GOLM1: variants seen among roughly 807,000 people sequenced by gnomAD.
GOLM1 encodes the protein epididymis luminal protein 46.
Under a neutral mutation model 50.5 loss-of-function variants are expected in GOLM1, and 31 were observed. The observed-to-expected ratio is 0.61, with a 90% confidence interval of 0.46 to 0.83. The LOEUF (loss-of-function observed/expected upper bound fraction) is 0.83. GOLM1 is among the 40% of genes least tolerant of loss of function. GOLM1 has a pLI of 0.00. For missense variants in GOLM1, 491 were observed against 501.3 expected, an observed-to-expected ratio of 0.98 and a Z score of 0.20; for synonymous variants, 178 against 192.8, an observed-to-expected ratio of 0.92 and a Z score of 0.64.
At chr9:86,076,244 T>C (rs1426161944) in intron 3 of GOLM1, among the ~76,000 whole-genome samples, 1 of 151,212 alleles carries the variant, frequency 6.6e-6, no homozygotes, top group Non-Finnish European at 1.5e-5. Context: ...CATGGCGAAA[T>C]CCCATCACTA....
At chr9:86,081,677 G>C (rs774831275) in intron 1 of GOLM1, among the ~76,000 whole-genome samples, 6 of 151,888 alleles carry the variant, frequency 4.0e-5, no homozygotes, top group Non-Finnish European at 8.8e-5. Context: ...ATGGCCTGAA[G>C]TCAGGAATTT....
chr9:86,084,595 A>G (rs1834892104), intron 1 of GOLM1, among the ~76,000 whole-genome samples: 1 of 152,212 alleles, frequency 6.6e-6, no homozygotes, highest in Non-Finnish European at 1.5e-5. Context: ...GAAACAGGGT[A>G]AAGGGTATAT....
chr9:86,030,239 A>G (rs1832930755), intron 9 of GOLM1, among the ~76,000 whole-genome samples: 1 of 151,530 alleles, frequency 6.6e-6, no homozygotes, highest in South Asian at 2.1e-4. Flanking sequence ...AAAAAAAAAA[A>G]AAAGAATAGA....
Position 86,026,939 on chromosome 9 carries a change from A to G in GOLM1, c.*878T>C, listed in dbSNP as rs1389919572. On this transcript the variant is annotated 3_prime_UTR_variant, in exon 10 of 10. Coordinates refer to ENST00000388712, the MANE Select transcript of GOLM1 (RefSeq NM_016548.4). ...CTTTGTTTTCTTTTACTCCAGTAAT[A>G]AAGTAGGCACAGATCTGTCCACAAC... 1 of 985,060 alleles carries G rather than the reference A, an allele frequency of 1.0e-6. No homozygotes were observed. Among genetic ancestry groups the G allele is most frequent in the African/African-American group, 1.7e-5 (1 of 57,214 alleles). 61.0% of individuals were successfully genotyped at this position (985,060 alleles called of 1,614,324 possible). A position where few individuals can be genotyped will look rare whatever the true frequency, so the allele number is the denominator to read the frequency against.
chr9:86,061,050 C>T lies in GOLM1; in HGVS notation c.310-8459G>A, dbSNP rs528039818. Among the ~76,000 whole-genome samples the T allele has an allele frequency of 9.9e-5, 15 of 152,082 alleles. 1 individual carries two copies. The South Asian group carries it at 1.2e-3, about 13-fold the overall frequency. ...GACAGACAATCCCACCTTTTCAGGA[C>T]GTGTGCTGAAATAGTCATGGTTAAA... On this transcript the variant is annotated intron_variant, in intron 3 of 9. Coordinates refer to ENST00000388712, the MANE Select transcript of GOLM1 (RefSeq NM_016548.4).
intron 1 of GOLM1, among the ~76,000 whole-genome samples, chr9:86,090,603 A>T (rs1835146416): frequency 6.6e-6 from 1 of 152,012 alleles, no homozygotes; most frequent in Non-Finnish European, 1.5e-5. Flanking sequence ...AAGCTCGAGC[A>T]TCCCGGGGCA....
intron 1 of GOLM1, among the ~76,000 whole-genome samples, chr9:86,096,892 C>G (rs559449657): frequency 1.1e-4 from 16 of 152,028 alleles, no homozygotes; most frequent in African/African-American, 3.4e-4. Flanking sequence ...AGTTGGGAAA[C>G]GATAGCAAAT....
chr9:86,079,393 G>A (rs1267417670), intron 1 of GOLM1, 52 bp from the exon 2 acceptor site: 13 of 1,386,444 alleles, frequency 9.4e-6, no homozygotes, highest in Admixed American at 6.6e-5. Context: ...TATCATCTCC[G>A]AAGCAGACCG....
chr9:86,082,883 A>G (rs1834828486), intron 1 of GOLM1, among the ~76,000 whole-genome samples: 2 of 152,238 alleles, frequency 1.3e-5, no homozygotes, highest in Admixed American at 1.3e-4. Context: ...ATTTATTTTA[A>G]TCCAAACAAG....
chr9:86,069,532 C>T (rs1322901865), intron 3 of GOLM1, among the ~76,000 whole-genome samples: 2 of 152,212 alleles, frequency 1.3e-5, no homozygotes, highest in Non-Finnish European at 2.9e-5. Flanking sequence ...CGAATGAGCA[C>T]AGTCTGCAGG....
intron 5 of GOLM1, among the ~76,000 whole-genome samples, chr9:86,044,961 A>G (rs376544368): frequency 5.9e-5 from 9 of 152,120 alleles, no homozygotes; most frequent in East Asian, 1.9e-4. Flanking sequence ...CTCAAAAAAA[A>G]AAGAGGCTAT....
chr9:86,046,413 C>G (rs897126080), intron 5 of GOLM1, 57 bp downstream of exon 5: 1 of 1,033,032 alleles, frequency 9.7e-7, no homozygotes, highest in East Asian at 2.4e-5. Flanking sequence ...AGCTTAATCC[C>G]CGCCTCCCAG....
At chr9:86,046,627 T>G (rs1414465111) in intron 4 of GOLM1, 55 bp from the exon 5 acceptor site, 11 of 1,056,310 alleles carry the variant, frequency 1.0e-5, no homozygotes, top group Non-Finnish European at 1.3e-5. Flanking sequence ...GTCATGCCAT[T>G]CAGCCAAAAT....
At chr9:86,049,914 G>C (rs1344953404) in intron 4 of GOLM1, among the ~76,000 whole-genome samples, 1 of 152,140 alleles carries the variant, frequency 6.6e-6, no homozygotes, top group African/African-American at 2.4e-5. Context: ...TTGAATAGGA[G>C]TGGTGAGACA....
At chr9:86,094,517 G>T (rs1327746562) in intron 1 of GOLM1, among the ~76,000 whole-genome samples, 1 of 152,200 alleles carries the variant, frequency 6.6e-6, no homozygotes, top group African/African-American at 2.4e-5. Flanking sequence ...CTTTTAAAAT[G>T]AATGTATAGT....
At chr9:86,062,034 C>T (rs1444280856) in intron 3 of GOLM1, among the ~76,000 whole-genome samples, 1 of 151,824 alleles carries the variant, frequency 6.6e-6, no homozygotes, top group African/African-American at 2.4e-5. Context: ...CTTCAGAAAA[C>T]ACCATCTATC....
chr9:86,040,211 A>G (rs60574264), intron 6 of GOLM1, among the ~76,000 whole-genome samples: 9,226 of 152,220 alleles, frequency 0.061, 943 homozygotes, highest in African/African-American at 0.21. Context: ...CATGAATTGT[A>G]AATTTTCTAT....
chr9:86,071,031 A>G (rs1563963050), intron 3 of GOLM1, among the ~76,000 whole-genome samples: 1 of 151,788 alleles, frequency 6.6e-6, no homozygotes, highest in African/African-American at 2.4e-5. Context: ...ACAATGATAA[A>G]TTTTATCTTG....
chr9:86,069,823 C>G (rs1457088226), intron 3 of GOLM1, among the ~76,000 whole-genome samples: 3 of 152,218 alleles, frequency 2.0e-5, no homozygotes, highest in African/African-American at 7.2e-5. Flanking sequence ...TCTGACTGCA[C>G]TGAAATGCTG....
Sources: gnomAD v4.1 joint callset for allele counts (sites outside exome capture counted in the v4.1 genomes callset) on GRCh38, gnomAD v4.1.1 for gene constraint, MANE v1.5 for transcripts, NCBI Gene and HGNC (gene_info 2026-07-23, HGNC 2026-07-21) for gene names.